Variants in OSBPL10 observed in about 807,000 individuals in gnomAD.
OSBPL10 encodes the protein oxysterol binding protein like 10, also known as oxysterol-binding protein-related protein 10.
A neutral mutation model predicts 81.7 loss-of-function variants in OSBPL10; 49 were observed. The ratio of observed to expected loss-of-function variants is 0.60; its 90% CI spans 0.48 to 0.76. The LOEUF (loss-of-function observed/expected upper bound fraction) is 0.76. Among genes scored for constraint, OSBPL10 ranks in the 30% least tolerant of loss-of-function variants. OSBPL10 has a pLI of 0.00. For synonymous variants in OSBPL10, 419 were observed against 383.6 expected (o/e 1.09, Z -1.08); for missense variants, 923 against 987.8 (o/e 0.93, Z 0.88).
At chr3:31,982,231 G>A (rs73823917), upstream of OSBPL10, among the ~76,000 whole-genome samples, 1,322 of 152,168 alleles carry the variant, frequency 8.7e-3, 14 homozygotes, top group African/African-American at 0.03. Flanking sequence ...TAACTTCTGC[G>A]CCCCTCTTCC....
intron 6 of OSBPL10, among the ~76,000 whole-genome samples, chr3:31,729,566 G>A (rs1024272020): frequency 1.8e-4 from 27 of 152,058 alleles, no homozygotes; most frequent in African/African-American, 6.0e-4. Flanking sequence ...GATTACAGGC[G>A]CACGCCACCA....
intron 4 of OSBPL10, among the ~76,000 whole-genome samples, chr3:31,787,951 T>C (rs1387651771): frequency 6.6e-6 from 1 of 152,142 alleles, no homozygotes; most frequent in East Asian, 1.9e-4. Flanking sequence ...ACAAACAGAA[T>C]ATAAATGGAA....
intron 4 of OSBPL10, among the ~76,000 whole-genome samples, chr3:31,754,126 C>T (rs1697810387): frequency 6.7e-6 from 1 of 150,116 alleles, no homozygotes; most frequent in Admixed American, 6.7e-5. Flanking sequence ...GTCTCTTGTT[C>T]TACACCTCCT....
intron 1 of OSBPL10, among the ~76,000 whole-genome samples, chr3:31,912,795 G>A (rs1345820210): frequency 6.6e-6 from 1 of 152,184 alleles, no homozygotes; most frequent in African/African-American, 2.4e-5. Context: ...TGCCACAGCA[G>A]GCATGATGGA....
At chr3:31,778,378 C>T (rs906881834) in intron 4 of OSBPL10, among the ~76,000 whole-genome samples, 7 of 152,074 alleles carry the variant, frequency 4.6e-5, no homozygotes, top group African/African-American at 1.2e-4. Context: ...AGCTCAGACC[C>T]GCCTAACCCT....
At chr3:31,834,470 G>A (rs1267074912) in intron 3 of OSBPL10, among the ~76,000 whole-genome samples, 4 of 152,232 alleles carry the variant, frequency 2.6e-5, no homozygotes, top group Non-Finnish European at 5.9e-5. Flanking sequence ...AAAAAAGAGT[G>A]TGGGAGCAGG....
At chr3:31,896,944 G>C (rs1200982785) in intron 1 of OSBPL10, among the ~76,000 whole-genome samples, 2 of 152,178 alleles carry the variant, frequency 1.3e-5, no homozygotes, top group African/African-American at 2.4e-5. Context: ...AGGGAGGACA[G>C]GTAGTGCCTG....
intron 4 of OSBPL10, among the ~76,000 whole-genome samples, chr3:31,772,925 C>T (rs564423137): frequency 1.3e-5 from 2 of 152,058 alleles, no homozygotes; most frequent in South Asian, 4.2e-4. Context: ...CATGTCATAT[C>T]GCCTTTCAAA....
intron 4 of OSBPL10, among the ~76,000 whole-genome samples, chr3:31,816,839 G>A (rs1411929380): frequency 6.6e-6 from 1 of 152,136 alleles, no homozygotes; most frequent in African/African-American, 2.4e-5. Flanking sequence ...CAGAGAGAAG[G>A]CCCTGGAGAG....
intron 3 of OSBPL10, among the ~76,000 whole-genome samples, chr3:31,845,870 G>C (rs1019943741): frequency 6.6e-6 from 1 of 152,156 alleles, no homozygotes; most frequent in African/African-American, 2.4e-5. Context: ...AGGTTTCTTT[G>C]GCTTACCTGT....
At chr3:32,026,093 G>A (rs140465744) in intron 2 of OSBPL10, among the ~76,000 whole-genome samples, 1 of 31,104 alleles carries the variant, frequency 3.2e-5, no homozygotes, top group African/African-American at 7.3e-5. Flanking sequence ...ATAGATAGAT[G>A]ATAGATAGAT....
At position 31,892,181 on chromosome 3, in the gene OSBPL10, C is replaced by T. The variant is rs570384545; in HGVS notation, c.282-12351G>A. On this transcript the variant is annotated intron_variant, in intron 1 of 11. Transcript: ENST00000396556. ...GAAGAGGAGAGGAGAGAGTTCCAAGCAGAGGAAGGAGCACGTGTATGGCCC... is the reference window on the plus strand; with the variant it reads ...GAAGAGGAGAGGAGAGAGTTCCAAGTAGAGGAAGGAGCACGTGTATGGCCC... Among the ~76,000 whole-genome samples the T allele has an allele frequency of 4.6e-5, 7 of 151,754 alleles. No individual in the cohort carries two copies. The South Asian group carries it at 1.5e-3, about 32-fold the overall frequency.
intron 4 of OSBPL10, among the ~76,000 whole-genome samples, chr3:31,789,281 T>C (rs1353030145): frequency 2.0e-5 from 3 of 152,220 alleles, no homozygotes; most frequent in South Asian, 4.1e-4. Flanking sequence ...TCCTGTAGAT[T>C]CTGTGGTCTG....
At chr3:31,778,210 C>G (rs1331750897) in intron 4 of OSBPL10, among the ~76,000 whole-genome samples, 1 of 152,200 alleles carries the variant, frequency 6.6e-6, no homozygotes, top group Non-Finnish European at 1.5e-5. Flanking sequence ...GCCTTGCCAA[C>G]TGTGTGGGAA....
chr3:31,997,759 G>A (rs555083813), intron 2 of OSBPL10, among the ~76,000 whole-genome samples: 84 of 151,996 alleles, frequency 5.5e-4, no homozygotes, highest in Middle Eastern at 3.4e-3. Flanking sequence ...AACTTGCCTC[G>A]CTGAGCCTCA....
At chr3:32,058,121 G>C (rs1699726584) in intron 1 of OSBPL10, among the ~76,000 whole-genome samples, 1 of 152,174 alleles carries the variant, frequency 6.6e-6, no homozygotes, top group South Asian at 2.1e-4. Context: ...TCATAAAAGA[G>C]AATTATAAAG....
Position 31,858,353 on chromosome 3 carries a change from A to G in OSBPL10, c.537+18080T>C, listed in dbSNP as rs146689193. 4.8e-3 allele frequency among the ~76,000 whole-genome samples: 730 copies of G among 152,078 alleles called. 11 individuals carry two copies. Among genetic ancestry groups the G allele is most frequent in the South Asian group, 0.04 (194 of 4,818 alleles). ...CTTTAATAAATTAAATTTCTCTTTT[A>G]TTGCAGAAGCTCAGTTTTTTATCAG... On this transcript the variant is annotated intron_variant, in intron 3 of 11. Coordinates refer to ENST00000396556, the MANE Select transcript of OSBPL10 (RefSeq NM_017784.5).
chr3:32,072,745 A>G (rs906834571), intron 1 of OSBPL10, among the ~76,000 whole-genome samples: 2 of 152,154 alleles, frequency 1.3e-5, no homozygotes, highest in African/African-American at 4.8e-5. Flanking sequence ...GACTTTACTC[A>G]CATGCCCTGA....
chr3:31,914,959 T>G (rs566807566), intron 1 of OSBPL10, among the ~76,000 whole-genome samples: 15 of 152,220 alleles, frequency 9.9e-5, no homozygotes, highest in South Asian at 8.3e-4. Flanking sequence ...TGTTTTGTTT[T>G]GTTTGGTTTT....
Sources: allele counts gnomAD v4.1 joint callset (sites outside exome capture counted in the v4.1 genomes callset), GRCh38; gene constraint gnomAD v4.1.1; transcripts MANE v1.5; gene names NCBI Gene and HGNC (gene_info 2026-07-23, HGNC 2026-07-21).